SLCO2A1: variants seen among roughly 807,000 people sequenced by gnomAD.
The protein encoded by SLCO2A1 is matrin F/G 1.
In SLCO2A1, 60 loss-of-function variants were observed where a neutral mutation model predicts 71.7. That is an observed-to-expected ratio of 0.84 (90% confidence interval 0.68 to 1.04). The LOEUF is 1.04. Ranked by LOEUF, SLCO2A1 falls within the 50% of genes least tolerant of loss-of-function variation. The pLI is 0.00. For missense variants in SLCO2A1, 745 were observed against 813.4 expected, an observed-to-expected ratio of 0.92 and a Z score of 1.02; for synonymous variants, 308 against 326.7, an observed-to-expected ratio of 0.94 and a Z score of 0.62.
chr3:133,983,454 A>G (rs1226216457), intron 1 of SLCO2A1, among the ~76,000 whole-genome samples: 1 of 152,220 alleles, frequency 6.6e-6, no homozygotes, highest in Non-Finnish European at 1.5e-5. Context: ...ATTTGTCAGC[A>G]ACCTAAATGT....
chr3:134,025,909 A>G (rs2108081941), intron 1 of SLCO2A1, among the ~76,000 whole-genome samples: 1 of 152,352 alleles, frequency 6.6e-6, no homozygotes, highest in East Asian at 1.9e-4. Flanking sequence ...GATGAACTAA[A>G]TGTGCCAGTA....
At chr3:134,021,711 G>A (rs190544006) in intron 1 of SLCO2A1, among the ~76,000 whole-genome samples, 393 of 152,018 alleles carry the variant, frequency 2.6e-3, no homozygotes, top group Non-Finnish European at 2.4e-3. Flanking sequence ...GTCAAAGAGA[G>A]AGAGACAAAG....
At chr3:133,970,167 G>A (rs547503699) in intron 3 of SLCO2A1, among the ~76,000 whole-genome samples, 8 of 152,328 alleles carry the variant, frequency 5.3e-5, no homozygotes, top group South Asian at 4.1e-4. Context: ...CCCTACCACC[G>A]TGGGGACAAA....
intron 1 of SLCO2A1, among the ~76,000 whole-genome samples, chr3:133,980,922 C>T (rs1361523123): frequency 6.6e-6 from 1 of 152,244 alleles, no homozygotes; most frequent in African/African-American, 2.4e-5. Context: ...CCACTCCTCC[C>T]AGGTGGTAGA....
chr3:134,002,601 T>C (rs1935127834), intron 1 of SLCO2A1, among the ~76,000 whole-genome samples: 3 of 152,218 alleles, frequency 2.0e-5, no homozygotes, highest in African/African-American at 7.2e-5. Context: ...GCAGATGTTC[T>C]TGAACTTTAG....
At chr3:133,995,233 A>G (rs1934940638) in intron 1 of SLCO2A1, among the ~76,000 whole-genome samples, 1 of 152,096 alleles carries the variant, frequency 6.6e-6, no homozygotes, top group Non-Finnish European at 1.5e-5. Flanking sequence ...TATAAATAGA[A>G]TCATATAGTG....
chr3:134,020,543 A>G (rs1935551676), intron 1 of SLCO2A1, among the ~76,000 whole-genome samples: 1 of 152,250 alleles, frequency 6.6e-6, no homozygotes, highest in African/African-American at 2.4e-5. Flanking sequence ...TAGAGGAGCA[A>G]CGCAGTGGCT....
intron 1 of SLCO2A1, among the ~76,000 whole-genome samples, chr3:134,000,881 GT>G (rs1935091576): frequency 6.6e-6 from 1 of 152,210 alleles, no homozygotes; most frequent in Non-Finnish European, 1.5e-5. Context: ...TTTGTGCCTT[GT>G]TAAACTCTGC....
At chr3:133,937,335 A>G (rs1047364605) in intron 12 of SLCO2A1, among the ~76,000 whole-genome samples, 3 of 152,200 alleles carry the variant, frequency 2.0e-5, no homozygotes, top group African/African-American at 7.2e-5. Context: ...CTCTGTGTTT[A>G]TAATGCAGGC....
chr3:133,938,193 T>C (rs1933321668), intron 12 of SLCO2A1, among the ~76,000 whole-genome samples: 1 of 152,240 alleles, frequency 6.6e-6, no homozygotes, highest in South Asian at 2.1e-4. Context: ...GTGTTCACTT[T>C]TCATTTTTCT....
At chr3:133,956,244 G>A (rs1236436260) in intron 3 of SLCO2A1, among the ~76,000 whole-genome samples, 3 of 152,150 alleles carry the variant, frequency 2.0e-5, no homozygotes, top group African/African-American at 7.2e-5. Context: ...AAAACCGAGC[G>A]CCGTAGACTA....
intron 2 of SLCO2A1, among the ~76,000 whole-genome samples, chr3:133,977,758 T>C (rs4241364): frequency 0.15 from 22,467 of 152,030 alleles, 2,478 homozygotes; most frequent in East Asian, 0.59. Flanking sequence ...GAGGACAACA[T>C]GTGCCAGGGG....
chr3:134,029,590 A>G (rs1935779648), intron 1 of SLCO2A1, 117 bp downstream of exon 1: 1 of 727,720 alleles, frequency 1.4e-6, no homozygotes, highest in African/African-American at 1.9e-5. Flanking sequence ...GGAGCGCGGC[A>G]CAGGAGGGAG....
intron 1 of SLCO2A1, among the ~76,000 whole-genome samples, chr3:134,012,181 G>A (rs1179578107): frequency 6.6e-6 from 1 of 152,210 alleles, no homozygotes; most frequent in Non-Finnish European, 1.5e-5. Flanking sequence ...TCAGAGGAGG[G>A]TGGCACTGAC....
intron 1 of SLCO2A1, among the ~76,000 whole-genome samples, chr3:133,983,172 A>C (rs1374638744): frequency 6.6e-6 from 1 of 152,206 alleles, no homozygotes; most frequent in Non-Finnish European, 1.5e-5. Context: ...GGATCCTAAA[A>C]GTGGACAAAG....
intron 12 of SLCO2A1, among the ~76,000 whole-genome samples, chr3:133,937,815 A>G (rs1933309649): frequency 2.0e-5 from 3 of 152,244 alleles, no homozygotes; most frequent in African/African-American, 4.8e-5. Flanking sequence ...CAGTGTGAGC[A>G]GTTCAGGAAT....
At chr3:134,023,158 G>C (rs1576463895) in intron 1 of SLCO2A1, among the ~76,000 whole-genome samples, 1 of 151,370 alleles carries the variant, frequency 6.6e-6, no homozygotes, top group Non-Finnish European at 1.5e-5. Flanking sequence ...ACAAACAAAA[G>C]AATGGACTCA....
rs1933214068 is a variant in SLCO2A1 at position 133,934,402 on chromosome 3, G to A, written c.*311C>T. On this transcript the variant is annotated 3_prime_UTR_variant, in exon 14 of 14. Transcript: ENST00000310926. Reference sequence around the variant, plus strand: ...CCCCCCAGGGCTGGTGAGGGGCCTGGCTGCCTCAGTGGGCATCCTCAATGG... The same window carrying A: ...CCCCCCAGGGCTGGTGAGGGGCCTGACTGCCTCAGTGGGCATCCTCAATGG... 4.6e-6 allele frequency: 1 copy of A among 218,104 alleles called. No individual in the cohort carries two copies. The highest frequency in any genetic ancestry group is 9.0e-6 in the Non-Finnish European group (1 of 110,614). The allele number at this position is 218,104 out of a possible 1,614,324, so 13.5% of individuals were successfully genotyped here. A position where few individuals can be genotyped will look rare whatever the true frequency, so the allele number is the denominator to read the frequency against.
At position 133,973,746 on chromosome 3, in the gene SLCO2A1, C is replaced by A. The variant is rs764589981; in HGVS notation, c.314G>T (p.Gly105Val). Reference protein sequence around the residue: ...VHRPRLIGIGGLFLAAGAFIL... With the variant: ...VHRPRLIGIGVLFLAAGAFIL... Reference sequence around the variant, plus strand: ...GAAGGCACCTGCAGCCAGGAAGAGACCTCCGATGCCAATCAGACGTGGACG... The same window carrying A: ...GAAGGCACCTGCAGCCAGGAAGAGAACTCCGATGCCAATCAGACGTGGACG... The change falls in exon 3 of 14, where the codon GGT becomes GTT. Residue 105 changes from glycine to valine, a missense_variant. Physicochemically the swap from Gly to Val is moderately radical, Grantham distance 109. Transcript: ENST00000310926. 1.3e-5 allele frequency: 21 copies of A among 1,613,966 alleles called. No homozygotes were observed. Among genetic ancestry groups the A allele is most frequent in the South Asian group, 9.9e-5 (9 of 91,022 alleles).
Sources: allele counts gnomAD v4.1 joint callset (sites outside exome capture counted in the v4.1 genomes callset), GRCh38; gene constraint gnomAD v4.1.1; transcripts MANE v1.5; gene names NCBI Gene and HGNC (gene_info 2026-07-23, HGNC 2026-07-21).